Variants in CHEK1 observed in about 807,000 individuals in gnomAD.
CHEK1 encodes the protein checkpoint kinase 1, also known as serine/threonine-protein kinase Chk1.
CHEK1 carries 32 observed loss-of-function variants against 60.2 expected under a neutral mutation model. The ratio of observed to expected loss-of-function variants is 0.53; its 90% CI spans 0.40 to 0.71. The LOEUF is 0.71. Ranked by LOEUF, CHEK1 falls within the 30% of genes least tolerant of loss-of-function variation. The pLI, the probability that CHEK1 is intolerant of heterozygous loss-of-function variation, is 0.00. For missense variants in CHEK1, 399 were observed against 564.6 expected (o/e 0.71, Z 2.97); for synonymous variants, 179 against 187.2 (o/e 0.96, Z 0.36).
chr11:125,678,978 T>TATATATATATATATATATATATA (rs1555078666), downstream of CHEK1, among the ~76,000 whole-genome samples: 243 of 88,404 alleles, frequency 2.7e-3, 4 homozygotes, highest in Middle Eastern at 0.012. Flanking sequence ...TCTAGGCATA[T>TATATATATATATATATATATATA]TATATATATA....
downstream of CHEK1, among the ~76,000 whole-genome samples, chr11:125,661,886 A>C (rs142186572): frequency 5.9e-5 from 9 of 152,340 alleles, no homozygotes; most frequent in African/African-American, 1.7e-4. Flanking sequence ...TAGTTGTAAG[A>C]GTTAATACTG....
At chr11:125,676,602 T>G, downstream of CHEK1, 1 of 1,248,988 alleles carries the variant, frequency 8.0e-7, no homozygotes, top group Non-Finnish European at 1.1e-6. Context: ...TCTTAGTTCT[T>G]TTTGGGGATC....
intron 8 of CHEK1, among the ~76,000 whole-genome samples, chr11:125,640,562 A>G (rs138417937): frequency 1.3e-5 from 2 of 151,112 alleles, no homozygotes; most frequent in East Asian, 2.0e-4. Flanking sequence ...AAAGAAATTC[A>G]TGGGTTTTAT....
chr11:125,664,575 T>C (rs2136081372), intron 13 of CHEK1, among the ~76,000 whole-genome samples: 1 of 152,260 alleles, frequency 6.6e-6, no homozygotes, highest in African/African-American at 2.4e-5. Flanking sequence ...TGTATGTCTT[T>C]TGAGAAATGT....
downstream of CHEK1, chr11:125,677,815 T>C (rs746157763): frequency 3.3e-5 from 54 of 1,614,134 alleles, no homozygotes; most frequent in Non-Finnish European, 4.4e-5. Flanking sequence ...GTGCTTGAAA[T>C]TGGTGCACCT....
chr11:125,649,286 A>G (rs945056294), intron 11 of CHEK1, among the ~76,000 whole-genome samples: 1 of 152,194 alleles, frequency 6.6e-6, no homozygotes, highest in Non-Finnish European at 1.5e-5. Context: ...TCCTGGGCTC[A>G]AGTGACCCTC....
intron 11 of CHEK1, among the ~76,000 whole-genome samples, chr11:125,652,337 G>A (rs1050867345): frequency 5.3e-5 from 8 of 152,120 alleles, no homozygotes; most frequent in African/African-American, 1.4e-4. Context: ...CCATAGGAAC[G>A]TTCTAAAAGA....
In CHEK1 at chr11:125,656,736, A is replaced by AT. The variant is rs761790614; in HGVS notation, c.*1418dup. ...ATCTCTTGACCAAAAACAGCTTTTG[A>AT]TTCCTGTTCTCCAACCTGTTCCTCT... On this transcript the variant is annotated 3_prime_UTR_variant, in exon 13 of 13. Transcript: ENST00000438015. 2.8e-5 allele frequency: 6 copies of AT among 215,184 alleles called. No homozygotes were observed. The highest frequency in any genetic ancestry group is 4.7e-5 in the Non-Finnish European group (5 of 106,740). The allele number at this position is 215,184 out of a possible 1,614,324, so 13.3% of individuals were successfully genotyped here.
chr11:125,666,045 TA>T (rs1337787127), intron 13 of CHEK1, among the ~76,000 whole-genome samples: 2 of 151,578 alleles, frequency 1.3e-5, no homozygotes, highest in African/African-American at 2.4e-5. Context: ...TTGATTTTTT[TA>T]AAAAAATTTG....
At chr11:125,658,083 CT>C (rs1393161296), downstream of CHEK1, among the ~76,000 whole-genome samples, 1 of 151,470 alleles carries the variant, frequency 6.6e-6, no homozygotes, top group African/African-American at 2.4e-5. Flanking sequence ...TTTTTTTTTC[CT>C]TTGAGACAGG....
intron 2 of CHEK1, among the ~76,000 whole-genome samples, chr11:125,627,339 T>C (rs771133110): frequency 8.5e-5 from 13 of 152,258 alleles, no homozygotes; most frequent in Non-Finnish European, 1.8e-4. Context: ...ATATGTGATG[T>C]GGCTTAGAAT....
chr11:125,641,790 CTT>C (rs34950755), intron 8 of CHEK1, among the ~76,000 whole-genome samples: 8 of 147,066 alleles, frequency 5.4e-5, no homozygotes, highest in African/African-American at 7.4e-5. Flanking sequence ...ATCTGATTAC[CTT>C]TTTTTTTTTT....
chr11:125,674,738 A>C (rs764220546), intron 13 of CHEK1, among the ~76,000 whole-genome samples: 2 of 152,184 alleles, frequency 1.3e-5, no homozygotes, highest in Non-Finnish European at 2.9e-5. Context: ...GCAAGCTCCT[A>C]CTTTGTGAGG....
At position 125,644,608 on chromosome 11, in the gene CHEK1, T is replaced by C. The variant is rs1348075866; in HGVS notation, c.1198T>C (p.Leu400=). ...YQCLKETCEK[L]GYQWKKSCMN... is the part of the protein sequence containing the mutation. Reference sequence around the variant, plus strand: ...ATGCCTGAAAGAGACTTGTGAGAAGTTGGGCTATCAATGGAAGAAAAGTTG... The same window carrying C: ...ATGCCTGAAAGAGACTTGTGAGAAGCTGGGCTATCAATGGAAGAAAAGTTG... The change falls in exon 11 of 13, where the codon TTG becomes CTG. Residue 400 remains leucine (L), a synonymous_variant. Transcript: ENST00000438015. The C allele has an allele frequency of 3.1e-6, 5 of 1,614,048 alleles. No individual in the cohort carries two copies. In the Admixed American group the frequency reaches 5.0e-5, roughly 16 times the overall value.
At chr11:125,626,576 G>A (rs1418774410) in intron 1 of CHEK1, 173 bp from the exon 2 acceptor site, 1 of 593,524 alleles carries the variant, frequency 1.7e-6, no homozygotes, top group Non-Finnish European at 3.0e-6. Context: ...CGACAAAATG[G>A]TCAGGTTTAG....
rs1305799069 is a variant in CHEK1 at position 125,638,465 on chromosome 11, CAG to C, written c.814+926_814+927del. 3.3e-5 allele frequency among the ~76,000 whole-genome samples: 5 copies of C among 152,074 alleles called. No homozygotes were observed. The South Asian group carries it at 8.3e-4, about 25-fold the overall frequency. ...CTAGAGATGATGAATGAAAAACATT[CAG>C]AGAGTTATTAATGTTTAACTCTGTC... On this transcript the variant is annotated intron_variant, in intron 8 of 12. Coordinates refer to ENST00000438015, the MANE Select transcript of CHEK1 (RefSeq NM_001114122.3).
chr11:125,678,120 T>C, downstream of CHEK1: 1 of 1,614,190 alleles, frequency 6.2e-7, no homozygotes. Flanking sequence ...CACAGTGTGC[T>C]TGCTTGAACC....
chr11:125,641,234 C>T (rs1941292823), intron 8 of CHEK1, among the ~76,000 whole-genome samples: 1 of 151,934 alleles, frequency 6.6e-6, no homozygotes, highest in South Asian at 2.1e-4. Context: ...TTGATCATGC[C>T]CTCCTCCTTT....
At chr11:125,648,111 CT>C (rs34956393) in intron 11 of CHEK1, among the ~76,000 whole-genome samples, 22 of 146,288 alleles carry the variant, frequency 1.5e-4, no homozygotes, top group African/African-American at 3.2e-4. Context: ...CCTGTTTATT[CT>C]TTTTTTTTTT....
Sources: allele counts gnomAD v4.1 joint callset (sites outside exome capture counted in the v4.1 genomes callset), GRCh38; gene constraint gnomAD v4.1.1; transcripts MANE v1.5; gene names NCBI Gene and HGNC (gene_info 2026-07-23, HGNC 2026-07-21).